The following RIMBP2 variants were observed in gnomAD, a reference collection of about 807,000 sequenced individuals.
The protein encoded by RIMBP2 is RIMS binding protein 2, also known as RIMS-binding protein 2.
RIMBP2 carries 48 observed loss-of-function variants against 118.6 expected under a neutral mutation model. That is an observed-to-expected ratio of 0.40 (90% CI 0.32 to 0.51). RIMBP2 has a LOEUF of 0.51. RIMBP2 is among the 20% of genes least tolerant of loss of function. The pLI, the probability that RIMBP2 is intolerant of heterozygous loss-of-function variation, is 0.41. For synonymous variants in RIMBP2, 762 were observed against 742.9 expected (o/e 1.03, Z -0.42); for missense variants, 1,551 against 1,768.3 (o/e 0.88, Z 2.20).
At chr12:130,432,455 G>A (rs1173051263) in intron 14 of RIMBP2, among the ~76,000 whole-genome samples, 1 of 152,114 alleles carries the variant, frequency 6.6e-6, no homozygotes, top group African/African-American at 2.4e-5. Flanking sequence ...CTCGACATTT[G>A]CTATGGACTA....
At chr12:130,461,362 C>A (rs991497721) in intron 6 of RIMBP2, among the ~76,000 whole-genome samples, 11 of 152,142 alleles carry the variant, frequency 7.2e-5, no homozygotes, top group Non-Finnish European at 1.6e-4. Context: ...GCAGGGTAGA[C>A]CTGCAGGAAC....
Position 130,436,827 on chromosome 12 carries a change from G to C in RIMBP2, c.2106+15C>G. 5 of 1,378,182 alleles carry C rather than the reference G, an allele frequency of 3.6e-6. No individual in the cohort carries two copies. Among genetic ancestry groups the C allele is most frequent in the Non-Finnish European group, 4.7e-6 (5 of 1,065,162 alleles). 85.4% of individuals were successfully genotyped at this position (1,378,182 alleles called of 1,614,324 possible). On this transcript the variant is annotated intron_variant, in intron 13 of 22. Coordinates refer to ENST00000690449, the MANE Select transcript of RIMBP2 (RefSeq NM_001393629.1). Reference sequence around the variant, plus strand: ...GGGGACTGAGGAGCCACCGAGGCGGGAGCCCCAGCCTTACCCTGCTGCTCT... The same window carrying C: ...GGGGACTGAGGAGCCACCGAGGCGGCAGCCCCAGCCTTACCCTGCTGCTCT...
chr12:130,633,160 G>A, intron 1 of RIMBP2, among the ~76,000 whole-genome samples: 1 of 152,232 alleles, frequency 6.6e-6, no homozygotes, highest in East Asian at 1.9e-4. Flanking sequence ...ACTAACAGCG[G>A]ACCTACATGA....
At position 130,457,671 on chromosome 12, in the gene RIMBP2, C is replaced by A. The variant is rs142262734; in HGVS notation, c.154-971G>T. ...CCCCGGCACTGCAGTAGCTCCTGGG[C>A]TATTCGTTTCTTGTCGGTGTCCACG... is the stretch of plus-strand genomic sequence containing the variant. On this transcript the variant is annotated intron_variant, in intron 6 of 22. Coordinates refer to ENST00000690449, the MANE Select transcript of RIMBP2 (RefSeq NM_001393629.1). 6.6e-5 allele frequency among the ~76,000 whole-genome samples: 10 copies of A among 152,376 alleles called. No individual in the cohort carries two copies. In the East Asian group the frequency reaches 1.9e-3, roughly 29 times the overall value.
In RIMBP2 at chr12:130,646,044, TCTC is replaced by T. The variant is rs1566421664; in HGVS notation, c.-351-17591_-351-17589del. Among the ~76,000 whole-genome samples, 141 of 138,262 alleles carry T rather than the reference TCTC, an allele frequency of 1.0e-3. 5 individuals carry two copies. Among genetic ancestry groups the T allele is most frequent in the South Asian group, 3.8e-3 (16 of 4,202 alleles). 90.7% of individuals were successfully genotyped at this position (138,262 alleles called of 152,430 possible). ...ATCTGTGGTGCGGCAGCCAGTTCCC[TCTC>T]CACCTCCCTCACCACCTGCCTCTCC... On this transcript the variant is annotated intron_variant, in intron 1 of 22. Coordinates refer to ENST00000690449, the MANE Select transcript of RIMBP2 (RefSeq NM_001393629.1).
At chr12:130,460,794 C>T (rs1261409745) in intron 6 of RIMBP2, among the ~76,000 whole-genome samples, 1 of 152,234 alleles carries the variant, frequency 6.6e-6, no homozygotes, top group East Asian at 1.9e-4. Context: ...GGACATCCAC[C>T]GCGTTCTGAG....
At chr12:130,641,771 G>C (rs1383656901) in intron 1 of RIMBP2, among the ~76,000 whole-genome samples, 1 of 152,106 alleles carries the variant, frequency 6.6e-6, no homozygotes, top group African/African-American at 2.4e-5. Context: ...CTTATGCTTG[G>C]CTGGAGAGTA....
intron 2 of RIMBP2, among the ~76,000 whole-genome samples, chr12:130,619,596 C>T (rs1235005721): frequency 6.6e-6 from 1 of 152,156 alleles, no homozygotes; most frequent in South Asian, 2.1e-4. Flanking sequence ...AGGAAATGCA[C>T]ACGCACGTGT....
intron 19 of RIMBP2, among the ~76,000 whole-genome samples, chr12:130,408,593 A>G (rs570164138): frequency 2.5e-3 from 381 of 152,266 alleles, no homozygotes; most frequent in Non-Finnish European, 3.7e-3. Flanking sequence ...AGCGCTCCAC[A>G]CAGATAACAG....
chr12:130,593,274 G>A (rs1370865256), intron 2 of RIMBP2, among the ~76,000 whole-genome samples: 1 of 152,226 alleles, frequency 6.6e-6, no homozygotes, highest in Non-Finnish European at 1.5e-5. Context: ...TTCCGCAACA[G>A]GGCGTCGTTC....
intron 2 of RIMBP2, among the ~76,000 whole-genome samples, chr12:130,521,359 G>A (rs997809894): frequency 2.0e-5 from 3 of 152,176 alleles, no homozygotes; most frequent in South Asian, 2.1e-4. Context: ...ACAACAAAAC[G>A]AGAGTCCCCC....
chr12:130,624,074 A>G (rs2061480202), intron 2 of RIMBP2, among the ~76,000 whole-genome samples: 1 of 152,252 alleles, frequency 6.6e-6, no homozygotes, highest in South Asian at 2.1e-4. Flanking sequence ...TGAGACACTC[A>G]GTATAGCTAC....
chr12:130,544,887 A>G (rs4759723), intron 2 of RIMBP2, among the ~76,000 whole-genome samples: 145,083 of 152,192 alleles, frequency 0.95, 69,545 homozygotes, highest in East Asian at 1. Flanking sequence ...CAGGTTGCAT[A>G]CTAAGACAGA....
intron 2 of RIMBP2, among the ~76,000 whole-genome samples, chr12:130,558,129 C>T (rs1181544053): frequency 6.6e-6 from 1 of 152,168 alleles, no homozygotes; most frequent in African/African-American, 2.4e-5. Flanking sequence ...TGATTTGATT[C>T]TATTCACCCA....
chr12:130,602,471 GAC>G (rs1181079402), intron 2 of RIMBP2, among the ~76,000 whole-genome samples: 2 of 152,244 alleles, frequency 1.3e-5, no homozygotes, highest in African/African-American at 4.8e-5. Flanking sequence ...CATTTGCAAG[GAC>G]AGTTTGGATG....
At position 130,511,360 on chromosome 12, in the gene RIMBP2, A is replaced by C. The variant is rs2138924824; in HGVS notation, c.-126-4590T>G. 6.6e-6 allele frequency among the ~76,000 whole-genome samples: 1 copy of C among 152,352 alleles called. No homozygotes were observed. Among genetic ancestry groups the C allele is most frequent in the Middle Eastern group, 3.4e-3 (1 of 294 alleles). ...TGTGCTTGTAGGAATTTGTCACAGC[A>C]GCAATAGGCAACTGATGCGGAAATC... On this transcript the variant is annotated intron_variant, in intron 3 of 22. Transcript: ENST00000690449. The surrounding 1 kb of genome is among the most constrained non-coding windows in gnomAD (Gnocchi z 4.3).
At chr12:130,474,184 C>T (rs553939373) in intron 5 of RIMBP2, among the ~76,000 whole-genome samples, 4 of 152,264 alleles carry the variant, frequency 2.6e-5, no homozygotes, top group South Asian at 2.1e-4. Context: ...AAGTGGACCA[C>T]GGGCATGTTA....
chr12:130,667,069 G>A (rs1403779073), intron 1 of RIMBP2, among the ~76,000 whole-genome samples: 2 of 108,300 alleles, frequency 1.8e-5, no homozygotes, highest in Non-Finnish European at 3.9e-5. Context: ...AGGAAGAAGG[G>A]AGGGAGGAAA....
chr12:130,436,443 A>G lies in RIMBP2; in HGVS notation c.2106+399T>C, dbSNP rs1040535512. On this transcript the variant is annotated intron_variant, in intron 13 of 22. Coordinates refer to ENST00000690449, the MANE Select transcript of RIMBP2 (RefSeq NM_001393629.1). The stretch of plus-strand genomic sequence containing the variant: ...TGTGCATGTGTGTGTATATATTTAC[A>G]TGCACACACACACAGAACCTAGGAC... Among the ~76,000 whole-genome samples the G allele has an allele frequency of 4.6e-5, 7 of 152,258 alleles. No homozygotes were observed. In the South Asian group the frequency reaches 1.5e-3, roughly 32 times the overall value.
Sources: gnomAD v4.1 joint callset for allele counts (sites outside exome capture counted in the v4.1 genomes callset) on GRCh38, gnomAD v4.1.1 for gene constraint, Gnocchi (gnomAD v3.1) non-coding constraint, MANE v1.5 for transcripts, NCBI Gene and HGNC (gene_info 2026-07-23, HGNC 2026-07-21) for gene names.